COBL: variants seen among roughly 807,000 people sequenced by gnomAD.
COBL encodes protein cordon-bleu.
Under a neutral mutation model 98.8 loss-of-function variants are expected in COBL, and 51 were observed. The observed-to-expected ratio is 0.52, with a 90% CI of 0.41 to 0.65. COBL has a LOEUF of 0.65. COBL is among the 30% of genes least tolerant of loss of function. The pLI is 0.00. For synonymous variants in COBL, 634 were observed against 651.7 expected, an observed-to-expected ratio of 0.97 and a Z score of 0.41; for missense variants, 1,617 against 1,617.5, an observed-to-expected ratio of 1.00 and a Z score of 0.01.
intron 5 of COBL, among the ~76,000 whole-genome samples, chr7:51,137,617 A>T (rs1018934158): frequency 2.0e-5 from 3 of 152,134 alleles, no homozygotes; most frequent in Admixed American, 2.0e-4. Context: ...CTTGGCACAA[A>T]GTAAGTACCC....
At chr7:51,203,173 G>A (rs1791302058) in intron 2 of COBL, among the ~76,000 whole-genome samples, 2 of 151,748 alleles carry the variant, frequency 1.3e-5, no homozygotes, top group South Asian at 4.2e-4. Flanking sequence ...AAAGATTACA[G>A]CAAAGATAAC....
At chr7:51,091,548 G>A (rs1487878412) in intron 6 of COBL, among the ~76,000 whole-genome samples, 2 of 152,080 alleles carry the variant, frequency 1.3e-5, no homozygotes, top group Non-Finnish European at 2.9e-5. Context: ...CCAAGGGGAT[G>A]AAAATATGCA....
chr7:51,316,083 G>A (rs1451616990), intron 1 of COBL, among the ~76,000 whole-genome samples: 1 of 152,212 alleles, frequency 6.6e-6, no homozygotes. Flanking sequence ...CGGCTGCGAA[G>A]CCGGGGAGCC....
At position 51,028,913 on chromosome 7, in the gene COBL, G is replaced by A. The variant is rs1787878719; in HGVS notation, c.2183C>T (p.Thr728Ile). The change falls in exon 10 of 13, where the codon ACC (threonine) becomes ATC (isoleucine). Residue 728 changes from threonine (T) to isoleucine (I), a missense_variant. This residue lies in a region of COBL where 1,304 missense variants were observed against 1,282.0 expected (regional missense o/e 1.02). Transcript: ENST00000265136. ...CAGCTCGTCAATCTTAATGGCTCCG[G>A]TGGAGAGGGACACATCTCTGTCGTA... The part of the protein sequence containing the change: ...RCYDRDVSLS[T>I]GAIKIDELGN... 2.5e-6 allele frequency: 4 copies of A among 1,614,112 alleles called. No individual in the cohort carries two copies. The Admixed American group carries it at 5.0e-5, about 20-fold the overall frequency.
intron 6 of COBL, among the ~76,000 whole-genome samples, chr7:51,133,521 G>A (rs1372911514): frequency 6.6e-6 from 1 of 152,178 alleles, no homozygotes; most frequent in Non-Finnish European, 1.5e-5. Flanking sequence ...GCCCCATCCA[G>A]ACCTACTGAA....
intron 8 of COBL, among the ~76,000 whole-genome samples, chr7:51,042,837 T>G (rs1260802421): frequency 6.6e-6 from 1 of 152,196 alleles, no homozygotes; most frequent in Non-Finnish European, 1.5e-5. Flanking sequence ...GCTCAAGATG[T>G]CTACTGACCT....
chr7:51,136,317 G>C lies in COBL; in HGVS notation c.798C>G (p.Thr266=). The C allele has an allele frequency of 6.2e-7, 1 of 1,613,184 alleles. No individual in the cohort carries two copies. The highest frequency in any genetic ancestry group is 8.5e-7 in the Non-Finnish European group (1 of 1,179,740). ...KRSNSKGCLT[T]PNSPSMHSRS... ...GTGAGTGCATGGATGGGGAGTTGGG[G>C]GTCGTTAAACAGCCCTGTTGGGGAA... is the stretch of plus-strand genomic sequence containing the variant. The change falls in exon 6 of 13, where the codon ACC becomes ACG. Residue 266 remains threonine (T), a synonymous_variant. Coordinates refer to ENST00000265136, the MANE Select transcript of COBL (RefSeq NM_015198.5).
intron 4 of COBL, among the ~76,000 whole-genome samples, chr7:51,189,225 G>A (rs981278117): frequency 3.9e-5 from 6 of 152,204 alleles, no homozygotes; most frequent in Non-Finnish European, 7.3e-5. Context: ...TCTCTTGAAT[G>A]TCAAATCAGA....
chr7:51,025,463 G>A, intron 11 of COBL, 91 bp from the exon 12 acceptor site: 4 of 1,366,700 alleles, frequency 2.9e-6, no homozygotes, highest in Non-Finnish European at 4.1e-6. Flanking sequence ...GTGGCATGAG[G>A]AGATGAGGAT....
intron 6 of COBL, among the ~76,000 whole-genome samples, chr7:51,132,353 C>A (rs573016379): frequency 1.6e-4 from 24 of 152,340 alleles, no homozygotes; most frequent in African/African-American, 5.8e-4. Context: ...GCTGGCCAAG[C>A]TGGGATCGGA....
At chr7:51,302,974 G>A (rs1052433894) in intron 1 of COBL, among the ~76,000 whole-genome samples, 1 of 152,080 alleles carries the variant, frequency 6.6e-6, no homozygotes, top group Admixed American at 6.5e-5. Context: ...TCTTCCCAAC[G>A]CAATGCTGCA....
At chr7:51,303,059 C>T (rs909477116) in intron 1 of COBL, among the ~76,000 whole-genome samples, 3 of 152,196 alleles carry the variant, frequency 2.0e-5, no homozygotes, top group Non-Finnish European at 2.9e-5. Context: ...GCAATAGAAA[C>T]CTGCACTTCA....
intron 6 of COBL, among the ~76,000 whole-genome samples, chr7:51,108,907 C>T (rs1240050926): frequency 6.9e-6 from 1 of 144,530 alleles, no homozygotes; most frequent in African/African-American, 2.6e-5. Context: ...GATACACACA[C>T]TGACACATAG....
At chr7:51,244,109 A>G (rs886654075) in intron 1 of COBL, among the ~76,000 whole-genome samples, 1 of 152,288 alleles carries the variant, frequency 6.6e-6, no homozygotes, top group Middle Eastern at 3.4e-3. Context: ...AGTTTTCTGC[A>G]CACACATGTG....
intron 1 of COBL, 123 bp from the exon 2 acceptor site, chr7:51,220,067 T>A (rs1272234228): frequency 2.6e-6 from 2 of 783,466 alleles, no homozygotes; most frequent in African/African-American, 3.5e-5. Flanking sequence ...CACGGCCTTT[T>A]TAAAATCAAT....
intron 1 of COBL, among the ~76,000 whole-genome samples, chr7:51,226,346 T>A (rs933246800): frequency 4.6e-5 from 7 of 152,176 alleles, no homozygotes; most frequent in African/African-American, 1.4e-4. Flanking sequence ...CAATAGGATG[T>A]TTGCTTCATC....
intron 6 of COBL, among the ~76,000 whole-genome samples, chr7:51,100,510 C>T (rs528521436): frequency 6.6e-6 from 1 of 152,304 alleles, no homozygotes; most frequent in East Asian, 1.9e-4. Flanking sequence ...GCCCTCTAAG[C>T]TCTCACTGAT....
rs1483699557 is a variant in COBL, at chr7:51,028,981, G to C, written c.2115C>G (p.Leu705=). ...PGKSYRLKHG[L]TTYKIIPPKS... is the part of the protein sequence containing the mutation. ...TTGGAGGAATGATTTTATACGTTGT[G>C]AGGCCGTGCTTAAGTCTGTAGCTTT... Residue 705 remains leucine, a synonymous_variant, in exon 10 of 13, where the codon CTC becomes CTG. Transcript: ENST00000265136. 2 of 1,614,176 alleles carry C rather than the reference G, an allele frequency of 1.2e-6. No homozygotes were observed. Among genetic ancestry groups the C allele is most frequent in the African/African-American group, 2.7e-5 (2 of 75,036 alleles).
intron 6 of COBL, among the ~76,000 whole-genome samples, chr7:51,128,556 A>T (rs1798440785): frequency 6.6e-6 from 1 of 152,120 alleles, no homozygotes; most frequent in South Asian, 2.1e-4. Context: ...GTGCTGAAGA[A>T]TCCTCCCACC....
Sources: gnomAD v4.1 joint callset for allele counts (sites outside exome capture counted in the v4.1 genomes callset) on GRCh38, gnomAD v4.1.1 for gene constraint, gnomAD v4.1.1 regional missense constraint, MANE v1.5 for transcripts, NCBI Gene and HGNC (gene_info 2026-07-23, HGNC 2026-07-21) for gene names.